The following THSD4 variants were observed in gnomAD, a reference collection of about 807,000 sequenced individuals.
THSD4 encodes the protein thrombospondin type-1 domain-containing protein 4.
THSD4 carries 69 observed loss-of-function variants against 119.0 expected under a neutral mutation model. That is an observed-to-expected ratio of 0.58 (90% CI 0.48 to 0.71). The LOEUF (loss-of-function observed/expected upper bound fraction) is 0.71, where lower values mean the gene tolerates loss of function less well. Among genes scored for constraint, THSD4 ranks in the 30% least tolerant of loss-of-function variants. The pLI is 0.00. For missense variants in THSD4, 1,393 were observed against 1,391.1 expected (o/e 1.00, Z -0.02); for synonymous variants, 524 against 540.4 (o/e 0.97, Z 0.42).
intron 6 of THSD4, among the ~76,000 whole-genome samples, chr15:71,297,264 A>G (rs1378289338): frequency 6.7e-6 from 1 of 149,752 alleles, no homozygotes; most frequent in Non-Finnish European, 1.5e-5. Context: ...TTGGCCATTC[A>G]TATATCTTAT....
intron 8 of THSD4, among the ~76,000 whole-genome samples, chr15:71,702,428 G>A (rs1212344448): frequency 6.6e-6 from 1 of 151,032 alleles, no homozygotes; most frequent in Non-Finnish European, 1.5e-5. Flanking sequence ...TATGTGTAAG[G>A]AAGGGGAGGC....
chr15:71,676,276 G>A (rs958267070), intron 8 of THSD4, among the ~76,000 whole-genome samples: 21 of 152,002 alleles, frequency 1.4e-4, no homozygotes, highest in Admixed American at 3.3e-4. Flanking sequence ...CTATCACCAC[G>A]ATCCATTTTC....
rs527260671 is a variant in THSD4, at chr15:71,427,973, C to T, written c.1152+16150C>T. On this transcript the variant is annotated intron_variant, in intron 7 of 17. Transcript: ENST00000261862. ...GAGACAGAAGAGAGGTTAGGATCCC[C>T]TCCCCTAGCTTTATGAAAGAATAGG... Among the ~76,000 whole-genome samples, 9 of 152,250 alleles carry T rather than the reference C, an allele frequency of 5.9e-5. No homozygotes were observed. In the South Asian group the frequency reaches 1.9e-3, roughly 32 times the overall value.
intron 8 of THSD4, among the ~76,000 whole-genome samples, chr15:71,686,445 G>A (rs970112202): frequency 6.6e-6 from 1 of 152,212 alleles, no homozygotes; most frequent in Non-Finnish European, 1.5e-5. Context: ...AAGGACAGCT[G>A]TTCCCTCCAC....
intron 6 of THSD4, among the ~76,000 whole-genome samples, chr15:71,397,299 T>G (rs1566968898): frequency 6.6e-6 from 1 of 152,342 alleles, no homozygotes; most frequent in South Asian, 2.1e-4. Flanking sequence ...TTTATTTGTG[T>G]GACTAGTTAA....
intron 16 of THSD4, among the ~76,000 whole-genome samples, chr15:71,768,705 C>T (rs1156871592): frequency 6.6e-6 from 1 of 150,610 alleles, no homozygotes; most frequent in Non-Finnish European, 1.5e-5. Context: ...GCTGGGACTA[C>T]AGGTGCCCAC....
intron 6 of THSD4, among the ~76,000 whole-genome samples, chr15:71,299,365 T>G (rs2044913046): frequency 6.6e-6 from 1 of 152,240 alleles, no homozygotes; most frequent in Non-Finnish European, 1.5e-5. Flanking sequence ...ATTTCACCTC[T>G]GCTCTGAAAC....
intron 7 of THSD4, among the ~76,000 whole-genome samples, chr15:71,534,755 G>A (rs1019418992): frequency 2.0e-5 from 3 of 152,176 alleles, no homozygotes; most frequent in African/African-American, 7.2e-5. Flanking sequence ...AAGGCGGGCG[G>A]ATCACCTGAG....
intron 7 of THSD4, among the ~76,000 whole-genome samples, chr15:71,544,900 C>G (rs1342544822): frequency 1.3e-5 from 2 of 152,142 alleles, no homozygotes; most frequent in African/African-American, 4.8e-5. Context: ...ATAAGTCAGA[C>G]ACAAAAGGAC....
At chr15:71,327,157 A>T (rs114345547) in intron 6 of THSD4, among the ~76,000 whole-genome samples, 3,574 of 152,084 alleles carry the variant, frequency 0.024, 148 homozygotes, top group African/African-American at 0.083. Context: ...GCTGAGCGAG[A>T]CTCCATCTGA....
chr15:71,344,265 G>A (rs2045624353), intron 6 of THSD4, among the ~76,000 whole-genome samples: 1 of 151,770 alleles, frequency 6.6e-6, no homozygotes, highest in Admixed American at 6.6e-5. Context: ...GTATGGTCTC[G>A]ATCTCCTGAC....
Position 71,765,014 on chromosome 15 carries a change from C to A in THSD4, c.2590-6C>A. On this transcript the variant is annotated splice_region_variant and splice_polypyrimidine_tract_variant and intron_variant, in intron 15 of 17. Coordinates refer to ENST00000261862, the MANE Select transcript of THSD4 (RefSeq NM_024817.3). ...GACACTCATCTTTTTCTGCTTCTTT[C>A]TGCAGTGTTCCATCGAGTGTGGGAG... The A allele has an allele frequency of 6.2e-7, 1 of 1,611,822 alleles. No homozygotes were observed. The highest frequency in any genetic ancestry group is 2.2e-5 in the East Asian group (1 of 44,800).
intron 7 of THSD4, among the ~76,000 whole-genome samples, chr15:71,567,467 T>C (rs1298448866): frequency 6.6e-6 from 1 of 152,120 alleles, no homozygotes; most frequent in Non-Finnish European, 1.5e-5. Flanking sequence ...CACCTCAGAA[T>C]TACCCAGCAA....
At chr15:71,596,772 G>A (rs1162685789) in intron 7 of THSD4, among the ~76,000 whole-genome samples, 1 of 152,228 alleles carries the variant, frequency 6.6e-6, no homozygotes, top group Non-Finnish European at 1.5e-5. Flanking sequence ...CCTGGCTGGG[G>A]AGCGCAGCTC....
At chr15:71,453,251 T>C (rs1034139396) in intron 7 of THSD4, among the ~76,000 whole-genome samples, 1 of 152,218 alleles carries the variant, frequency 6.6e-6, no homozygotes, top group African/African-American at 2.4e-5. Flanking sequence ...CATTGCCTCA[T>C]GCCGTAGCTC....
intron 1 of THSD4, among the ~76,000 whole-genome samples, chr15:71,100,246 A>C (rs1350730019): frequency 6.6e-6 from 1 of 152,202 alleles, no homozygotes; most frequent in Non-Finnish European, 1.5e-5. Flanking sequence ...AGGTGATGGA[A>C]TGTCACTTTT....
chr15:71,469,825 C>T (rs376779905), intron 7 of THSD4, among the ~76,000 whole-genome samples: 13 of 152,110 alleles, frequency 8.5e-5, no homozygotes, highest in East Asian at 1.9e-4. Context: ...ATTCGTTTAA[C>T]GAATAGAAAA....
At chr15:71,558,419 G>A (rs1312125796) in intron 7 of THSD4, among the ~76,000 whole-genome samples, 5 of 152,236 alleles carry the variant, frequency 3.3e-5, no homozygotes, top group Middle Eastern at 6.8e-3. Flanking sequence ...TTTTCTTGTA[G>A]TGTTACTTAT....
chr15:71,565,475 C>T (rs1304043595), intron 7 of THSD4, among the ~76,000 whole-genome samples: 1 of 152,180 alleles, frequency 6.6e-6, no homozygotes, highest in African/African-American at 2.4e-5. Flanking sequence ...CAGTCTGCCC[C>T]ATGTAACCCA....
Sources: gnomAD v4.1 joint callset for allele counts (sites outside exome capture counted in the v4.1 genomes callset) on GRCh38, gnomAD v4.1.1 for gene constraint, MANE v1.5 for transcripts, NCBI Gene and HGNC (gene_info 2026-07-23, HGNC 2026-07-21) for gene names.